Variants in PLAG1 observed in about 807,000 individuals in gnomAD.
The protein encoded by PLAG1 is PLAG1 zinc finger.
A neutral mutation model predicts 35.5 loss-of-function variants in PLAG1; 7 were observed. That is an observed-to-expected ratio of 0.20 (90% CI 0.11 to 0.37). The LOEUF is 0.37. Among genes scored for constraint, PLAG1 ranks in the 10% least tolerant of loss-of-function variants. The pLI is 1.00. For missense variants in PLAG1, 454 were observed against 602.8 expected (o/e 0.75, Z 2.58); for synonymous variants, 229 against 225.4 (o/e 1.02, Z -0.14).
chr8:56,177,932 C>T, intron 2 of PLAG1: 2 of 423,888 alleles, frequency 4.7e-6, no homozygotes, highest in Non-Finnish European at 6.3e-6. Flanking sequence ...CTTCGGCAGA[C>T]CTCAAAAGCC....
At position 56,167,535 on chromosome 8, in the gene PLAG1, A is replaced by G; in HGVS notation, c.243-32T>C. On this transcript the variant is annotated intron_variant, in intron 4 of 4. Transcript: ENST00000316981. The surrounding 1 kb of genome is among the most constrained non-coding windows in gnomAD (Gnocchi z 5.9). ...ACACAGATATAATCTATAAGTAGTT[A>G]TTATGACAAAAATGGCATGTATTCA... is the stretch of plus-strand genomic sequence containing the variant. 1 of 1,423,390 alleles carries G rather than the reference A, an allele frequency of 7.0e-7. No individual in the cohort carries two copies. The highest frequency in any genetic ancestry group is 9.7e-7 in the Non-Finnish European group (1 of 1,035,984). The allele number at this position is 1,423,390 out of a possible 1,614,324, so 88.2% of individuals were successfully genotyped here. A position where few individuals can be genotyped will look rare whatever the true frequency, so the allele number is the denominator to read the frequency against.
At chr8:56,182,855 G>C (rs1811913049) in intron 1 of PLAG1, among the ~76,000 whole-genome samples, 1 of 152,190 alleles carries the variant, frequency 6.6e-6, no homozygotes, top group Non-Finnish European at 1.5e-5. Context: ...ATGGGATCTA[G>C]AGAAGATGGA....
chr8:56,199,203 C>T (rs1358556672), intron 1 of PLAG1, among the ~76,000 whole-genome samples: 1 of 152,106 alleles, frequency 6.6e-6, no homozygotes. Context: ...AGGTGCCACC[C>T]AAACAAAGTG....
At chr8:56,198,136 T>C (rs1344047027) in intron 1 of PLAG1, among the ~76,000 whole-genome samples, 25 of 152,216 alleles carry the variant, frequency 1.6e-4, no homozygotes, top group Admixed American at 1.6e-3. Context: ...ACCTCTGGAC[T>C]GCCCCTGAAA....
Position 56,166,353 on chromosome 8 carries a change from C to T in PLAG1, c.1393G>A (p.Asp465Asn). 6.2e-7 allele frequency: 1 copy of T among 1,613,850 alleles called. No individual in the cohort carries two copies. Among genetic ancestry groups the T allele is most frequent in the Non-Finnish European group, 8.5e-7 (1 of 1,179,870 alleles). Reference sequence around the variant, plus strand: ...CCAAGCCCTATAGTGTTTGCAGGATCCTGAAGATCCTGTGTTTGTGGGGGG... The same window carrying T: ...CCAAGCCCTATAGTGTTTGCAGGATTCTGAAGATCCTGTGTTTGTGGGGGG... ...QLPPQTQDLQ[D>N]PANTIGLGSL... The change falls in exon 5 of 5, where the codon GAT becomes AAT. Residue 465 changes from aspartate to asparagine, a missense_variant. By Grantham distance (23) the Asp-to-Asn change is conservative. This residue lies in a region of PLAG1 where 271 missense variants were observed against 315.6 expected (regional missense o/e 0.86). Transcript: ENST00000316981.
chr8:56,202,915 C>T (rs1563395359), intron 1 of PLAG1, among the ~76,000 whole-genome samples: 1 of 152,082 alleles, frequency 6.6e-6, no homozygotes, highest in East Asian at 1.9e-4. Flanking sequence ...TATACTTTCC[C>T]AAAAGAAGGG....
chr8:56,186,016 C>CTCCA (rs1368710466), intron 1 of PLAG1, among the ~76,000 whole-genome samples: 2 of 152,168 alleles, frequency 1.3e-5, no homozygotes, highest in African/African-American at 2.4e-5. Context: ...TGGGCAGGTA[C>CTCCA]TCCAGGTAGA....
chr8:56,187,941 A>G (rs1812070691), intron 1 of PLAG1, among the ~76,000 whole-genome samples: 1 of 152,216 alleles, frequency 6.6e-6, no homozygotes, highest in African/African-American at 2.4e-5. Context: ...TTAAATTGAA[A>G]AGTAACTTGG....
chr8:56,207,238 T>C (rs1409990381), intron 1 of PLAG1, among the ~76,000 whole-genome samples: 2 of 152,008 alleles, frequency 1.3e-5, no homozygotes, highest in Non-Finnish European at 2.9e-5. Flanking sequence ...GCTATAGATA[T>C]ATGTTTTAGT....
At chr8:56,194,766 G>A (rs935598800) in intron 1 of PLAG1, among the ~76,000 whole-genome samples, 8 of 152,220 alleles carry the variant, frequency 5.3e-5, no homozygotes, top group East Asian at 1.9e-4. Context: ...TGAGAAAGAC[G>A]TGAAGGCCTG....
chr8:56,166,073 T>C lies in PLAG1; in HGVS notation c.*170A>G. 2.3e-6 allele frequency: 1 copy of C among 427,064 alleles called. No homozygotes were observed. Among genetic ancestry groups the C allele is most frequent in the Middle Eastern group, 5.3e-4 (1 of 1,874 alleles). 26.5% of individuals were successfully genotyped at this position (427,064 alleles called of 1,614,324 possible). ...GTAAACTTAACTGAACACAAATGGTTCCAAAGCTCAGTTTAAAAGCTAGTT... is the reference window on the plus strand; with the variant it reads ...GTAAACTTAACTGAACACAAATGGTCCCAAAGCTCAGTTTAAAAGCTAGTT... On this transcript the variant is annotated 3_prime_UTR_variant, in exon 5 of 5. Coordinates refer to ENST00000316981, the MANE Select transcript of PLAG1 (RefSeq NM_002655.3).
chr8:56,187,234 T>G (rs1812047770), intron 1 of PLAG1, among the ~76,000 whole-genome samples: 1 of 152,166 alleles, frequency 6.6e-6, no homozygotes. Context: ...CACAGATGTG[T>G]TACAGAGAGA....
At position 56,167,365 on chromosome 8, in the gene PLAG1, G is replaced by C; in HGVS notation, c.381C>G (p.Gly127=). The C allele has an allele frequency of 6.2e-7, 1 of 1,614,008 alleles. No homozygotes were observed. Among genetic ancestry groups the C allele is most frequent in the Non-Finnish European group, 8.5e-7 (1 of 1,179,970 alleles). ...ATCCAAGCTTGGTATTGTAGTTCTTGCCACATTCTTCGCACTTAAACGTCT... is the reference window on the plus strand; with the variant it reads ...ATCCAAGCTTGGTATTGTAGTTCTTCCCACATTCTTCGCACTTAAACGTCT... ...NKETFKCEEC[G]KNYNTKLGFK... Residue 127 remains glycine, a synonymous_variant, in exon 5 of 5, where the codon GGC becomes GGG. Coordinates refer to ENST00000316981, the MANE Select transcript of PLAG1 (RefSeq NM_002655.3). This position sits in a 1 kb window ranked among gnomAD's most constrained non-coding sequence, Gnocchi z 5.9.
chr8:56,190,374 G>C (rs1812147460), intron 1 of PLAG1, among the ~76,000 whole-genome samples: 1 of 152,204 alleles, frequency 6.6e-6, no homozygotes, highest in Non-Finnish European at 1.5e-5. Context: ...GGAAAGCCAG[G>C]ATGCTCTAAG....
chr8:56,179,023 C>CAA (rs1173709224), intron 2 of PLAG1, among the ~76,000 whole-genome samples: 2,001 of 42,932 alleles, frequency 0.047, 257 homozygotes, highest in African/African-American at 0.11. Flanking sequence ...GCCCAGGAGA[C>CAA]AAAAAAAAAA....
intron 1 of PLAG1, among the ~76,000 whole-genome samples, chr8:56,179,804 T>TTTCC (rs1554534847): frequency 1.3e-5 from 2 of 151,986 alleles, no homozygotes; most frequent in Admixed American, 6.6e-5. Flanking sequence ...CTGCTGCTTA[T>TTTCC]TTTATTTATG....
intron 1 of PLAG1, among the ~76,000 whole-genome samples, chr8:56,196,594 G>A (rs1480248448): frequency 6.6e-6 from 1 of 152,018 alleles, no homozygotes; most frequent in Non-Finnish European, 1.5e-5. Context: ...GAACTGGGTG[G>A]CACCGCGAGC....
intron 1 of PLAG1, among the ~76,000 whole-genome samples, chr8:56,195,239 T>C (rs1812325287): frequency 6.6e-6 from 1 of 152,190 alleles, no homozygotes; most frequent in Non-Finnish European, 1.5e-5. Flanking sequence ...TTTTCATGCA[T>C]TATCTCATTT....
chr8:56,172,427 C>T (rs937467164), intron 2 of PLAG1, among the ~76,000 whole-genome samples: 1 of 152,148 alleles, frequency 6.6e-6, no homozygotes, highest in African/African-American at 2.4e-5. Flanking sequence ...TTCTGCACAT[C>T]AAAATTACAA....
Sources: allele counts gnomAD v4.1 joint callset (sites outside exome capture counted in the v4.1 genomes callset), GRCh38; gene constraint gnomAD v4.1.1; regional missense constraint gnomAD v4.1.1; non-coding constraint Gnocchi (gnomAD v3.1); transcripts MANE v1.5; gene names NCBI Gene and HGNC (gene_info 2026-07-23, HGNC 2026-07-21).